Variants in NF1 observed in about 807,000 individuals in gnomAD.
NF1 encodes neurofibromin.
In NF1, 122 loss-of-function variants were observed where a neutral mutation model predicts 325.7. That is an observed-to-expected ratio of 0.37 (90% CI 0.32 to 0.44). The LOEUF (loss-of-function observed/expected upper bound fraction) is 0.44. Among genes scored for constraint, NF1 ranks in the 20% least tolerant of loss-of-function variants. The probability of loss-of-function intolerance (pLI) is 1.00; values close to 1 mark genes in which losing one functional copy is unlikely to be tolerated. For missense variants in NF1, 2,140 were observed against 3,415.4 expected, an observed-to-expected ratio of 0.63 and a Z score of 9.31; for synonymous variants, 1,091 against 1,186.0, an observed-to-expected ratio of 0.92 and a Z score of 1.65.
intron 36 of NF1, chr17:31,318,061 A>T: frequency 2.2e-6 from 1 of 453,198 alleles, no homozygotes; most frequent in Non-Finnish European, 3.9e-6. Context: ...TATCCTTAAA[A>T]TTTTCCTCAA....
intron 47 of NF1, among the ~76,000 whole-genome samples, chr17:31,340,853 A>C (rs999463336): frequency 2.6e-5 from 4 of 151,360 alleles, no homozygotes; most frequent in East Asian, 1.9e-4. Flanking sequence ...ATAGCAAAAA[A>C]AAAAAAACAA....
At chr17:31,333,262 G>C (rs911578853) in intron 39 of NF1, among the ~76,000 whole-genome samples, 1 of 152,000 alleles carries the variant, frequency 6.6e-6, no homozygotes, top group African/African-American at 2.4e-5. Context: ...ATACCTTTTG[G>C]CCTCATAATT....
At chr17:31,360,305 A>T in intron 56 of NF1, 182 bp from the exon 57 acceptor site, 1 of 621,722 alleles carries the variant, frequency 1.6e-6, no homozygotes, top group Non-Finnish European at 2.8e-6. Flanking sequence ...AGCTGAATAG[A>T]ACTCCCTGTT....
At chr17:31,195,585 G>C (rs2066421576) in intron 8 of NF1, among the ~76,000 whole-genome samples, 1 of 151,996 alleles carries the variant, frequency 6.6e-6, no homozygotes, top group Admixed American at 6.6e-5. Flanking sequence ...CTGTCTCTCT[G>C]AATTTGACTA....
chr17:31,139,981 A>G (rs141493293), intron 1 of NF1, among the ~76,000 whole-genome samples: 88 of 152,278 alleles, frequency 5.8e-4, no homozygotes, highest in Non-Finnish European at 5.6e-4. Context: ...AAGCAGTAAA[A>G]AGGTGATTGT....
intron 1 of NF1, among the ~76,000 whole-genome samples, chr17:31,146,703 A>C (rs898423930): frequency 5.3e-5 from 8 of 152,260 alleles, no homozygotes; most frequent in Non-Finnish European, 1.0e-4. Flanking sequence ...GTGCAGGCCC[A>C]GCACCAGCTT....
At position 31,349,239 on chromosome 17, in the gene NF1, G is replaced by T. The variant is rs755478412; in HGVS notation, c.7309G>T (p.Ala2437Ser). Residue 2437 changes from alanine to serine, a missense_variant, in exon 49 of 58, where the codon GCC becomes TCC. By Grantham distance (99) the Ala-to-Ser change is moderately conservative (BLOSUM62 1). Transcript: ENST00000358273. ...ATTTGAAGTGAATACACAGAGCGTG[G>T]CCTACTTAGCAGGTAAAAACACAAA... The part of the protein sequence containing the change: ...DKFEVNTQSV[A>S]YLAALLTVSE... The T allele has an allele frequency of 6.2e-7, 1 of 1,612,940 alleles. No individual in the cohort carries two copies. The highest frequency in any genetic ancestry group is 8.5e-7 in the Non-Finnish European group (1 of 1,179,708).
intron 1 of NF1, among the ~76,000 whole-genome samples, chr17:31,112,113 TC>T (rs1160348144): frequency 6.6e-6 from 1 of 152,080 alleles, no homozygotes; most frequent in Admixed American, 6.6e-5. Flanking sequence ...CCTACCTCCA[TC>T]CCATCCCTAG....
At chr17:31,158,027 G>T (rs966312872) in intron 2 of NF1, among the ~76,000 whole-genome samples, 1 of 151,980 alleles carries the variant, frequency 6.6e-6, no homozygotes, top group African/African-American at 2.4e-5. Flanking sequence ...AGAACACTAA[G>T]TCTTATTCTT....
At chr17:31,128,685 G>A (rs1299958149) in intron 1 of NF1, among the ~76,000 whole-genome samples, 1 of 152,060 alleles carries the variant, frequency 6.6e-6, no homozygotes, top group East Asian at 1.9e-4. Flanking sequence ...CACTTTGGGA[G>A]GCCGAGGCGG....
chr17:31,225,338 T>G (rs2066995195), intron 17 of NF1, 88 bp downstream of exon 17: 1 of 1,425,266 alleles, frequency 7.0e-7, no homozygotes, highest in South Asian at 1.2e-5. Flanking sequence ...CTAGGTAATA[T>G]AGTGTAATAG....
intron 33 of NF1, 69 bp from the exon 34 acceptor site, chr17:31,260,300 A>G: frequency 1.3e-6 from 2 of 1,504,990 alleles, no homozygotes; most frequent in Non-Finnish European, 1.8e-6. Context: ...TACTTCTTAT[A>G]AATTTAATTC....
chr17:31,248,359 G>A (rs1232522469), intron 29 of NF1, among the ~76,000 whole-genome samples: 2 of 151,976 alleles, frequency 1.3e-5, no homozygotes, highest in Admixed American at 6.5e-5. Flanking sequence ...TTTGTTGCTT[G>A]GGTATTTTAA....
intron 36 of NF1, among the ~76,000 whole-genome samples, chr17:31,297,954 A>G (rs138425456): frequency 1.3e-5 from 2 of 152,304 alleles, no homozygotes; most frequent in East Asian, 3.9e-4. Flanking sequence ...ATCAGTTCCT[A>G]TGTAAAATAA....
At chr17:31,110,910 A>G (rs922100103) in intron 1 of NF1, among the ~76,000 whole-genome samples, 1 of 151,950 alleles carries the variant, frequency 6.6e-6, no homozygotes, top group Non-Finnish European at 1.5e-5. Flanking sequence ...AAAAACAAAA[A>G]CAAAAAAAAC....
At chr17:31,360,389 A>G in intron 56 of NF1, 98 bp from the exon 57 acceptor site, 1 of 1,019,794 alleles carries the variant, frequency 9.8e-7, no homozygotes, top group Non-Finnish European at 1.5e-6. Flanking sequence ...AGGAAGAAAA[A>G]TAGTAAATTA....
chr17:31,318,283 C>T (rs1161609745), intron 36 of NF1: 2 of 1,584,114 alleles, frequency 1.3e-6, no homozygotes, highest in East Asian at 2.2e-5. Context: ...CTTCTCATTG[C>T]TACTTTGCAT....
At chr17:31,144,633 TCC>T (rs10586992) in intron 1 of NF1, among the ~76,000 whole-genome samples, 2,694 of 152,230 alleles carry the variant, frequency 0.018, 67 homozygotes, top group African/African-American at 0.061. Context: ...CACAATGGCG[TCC>T]CATTCTTCAG....
At chr17:31,267,340 G>A (rs1364496194) in intron 36 of NF1, among the ~76,000 whole-genome samples, 1 of 152,170 alleles carries the variant, frequency 6.6e-6, no homozygotes, top group Non-Finnish European at 1.5e-5. Flanking sequence ...AAAGTGTTTT[G>A]TGACCTATAA....
Sources: gnomAD v4.1 joint callset for allele counts (sites outside exome capture counted in the v4.1 genomes callset) on GRCh38, gnomAD v4.1.1 for gene constraint, MANE v1.5 for transcripts, NCBI Gene and HGNC (gene_info 2026-07-23, HGNC 2026-07-21) for gene names.